The following DPP10 variants were observed in gnomAD, a reference collection of about 807,000 sequenced individuals.
The protein encoded by DPP10 is inactive dipeptidyl peptidase 10.
Under a neutral mutation model 120.9 loss-of-function variants are expected in DPP10, and 33 were observed. That is an observed-to-expected ratio of 0.27 (90% CI 0.21 to 0.37). DPP10 has a LOEUF of 0.37. DPP10 is among the 10% of genes least tolerant of loss of function. The pLI is 1.00. For missense variants in DPP10, 816 were observed against 942.8 expected (o/e 0.87, Z 1.76); for synonymous variants, 337 against 326.1 (o/e 1.03, Z -0.36).
At chr2:114,532,205 G>A (rs1252385318) in intron 1 of DPP10, among the ~76,000 whole-genome samples, 2 of 141,300 alleles carry the variant, frequency 1.4e-5, no homozygotes, top group African/African-American at 2.7e-5. Context: ...GCAGACTGTG[G>A]GACTCCTTGG....
In DPP10 at chr2:115,309,219, T is replaced by C; in HGVS notation, c.61-20T>C. 6.3e-7 allele frequency: 1 copy of C among 1,593,414 alleles called. No individual in the cohort carries two copies. Among genetic ancestry groups the C allele is most frequent in the Non-Finnish European group, 8.6e-7 (1 of 1,164,936 alleles). On this transcript the variant is annotated intron_variant, in intron 1 of 25. Coordinates refer to ENST00000410059, the MANE Select transcript of DPP10 (RefSeq NM_020868.6). ...CTTGGAGCATGAATAATTACAAAAC[T>C]TTTTTTTCTATCTCGGTAGGAACTG...
chr2:114,833,487 A>G (rs1328426214), intron 1 of DPP10: 1 of 152,240 alleles, frequency 6.6e-6, no homozygotes, highest in African/African-American at 2.4e-5. Context: ...ATAAATAAAT[A>G]GGGACAGCTC....
At chr2:114,704,091 T>C (rs566408316) in intron 1 of DPP10, among the ~76,000 whole-genome samples, 1 of 152,088 alleles carries the variant, frequency 6.6e-6, no homozygotes, top group South Asian at 2.1e-4. Context: ...GATGATGTTA[T>C]GGTGTTATAA....
At chr2:115,228,501 T>A (rs903884559) in intron 1 of DPP10, among the ~76,000 whole-genome samples, 1 of 151,604 alleles carries the variant, frequency 6.6e-6, no homozygotes, top group Non-Finnish European at 1.5e-5. Context: ...CCCGCTTCAA[T>A]CCCCCCTCCA....
chr2:114,717,691 C>T (rs764869490), intron 1 of DPP10, among the ~76,000 whole-genome samples: 6 of 152,082 alleles, frequency 3.9e-5, no homozygotes, highest in Non-Finnish European at 8.8e-5. Context: ...GCTAAAGAAA[C>T]ACCCAGTACC....
intron 1 of DPP10, among the ~76,000 whole-genome samples, chr2:115,304,844 A>G (rs1009753242): frequency 6.6e-6 from 1 of 152,042 alleles, no homozygotes; most frequent in African/African-American, 2.4e-5. Flanking sequence ...CACCTAAACA[A>G]ATAAAAAATG....
chr2:114,497,074 T>C (rs952806947), intron 1 of DPP10, among the ~76,000 whole-genome samples: 23 of 150,218 alleles, frequency 1.5e-4, no homozygotes, highest in South Asian at 4.2e-4. Context: ...CATACACATA[T>C]ACATATACAT....
Position 115,739,651 on chromosome 2 carries a change from G to A in DPP10, c.698-88G>A. 5 of 1,368,444 alleles carry A rather than the reference G, an allele frequency of 3.7e-6. No individual in the cohort carries two copies. In the South Asian group the frequency reaches 6.4e-5, roughly 18 times the overall value. The allele number at this position is 1,368,444 out of a possible 1,614,324, so 84.8% of individuals were successfully genotyped here. On this transcript the variant is annotated intron_variant, in intron 8 of 25. Transcript: ENST00000410059. Reference sequence around the variant, plus strand: ...AATACACAGTCTAGAAAATATAGGTGTACAATGGAGATTTCAAGGACAGAT... The same window carrying A: ...AATACACAGTCTAGAAAATATAGGTATACAATGGAGATTTCAAGGACAGAT...
At chr2:115,056,863 T>C (rs1705962663) in intron 1 of DPP10, among the ~76,000 whole-genome samples, 1 of 152,222 alleles carries the variant, frequency 6.6e-6, no homozygotes, top group Non-Finnish European at 1.5e-5. Context: ...CCCTGCTCTT[T>C]TACCTGCAAC....
intron 1 of DPP10, among the ~76,000 whole-genome samples, chr2:115,226,764 T>C (rs2057454302): frequency 6.6e-6 from 1 of 152,158 alleles, no homozygotes; most frequent in Non-Finnish European, 1.5e-5. Context: ...TAATTAAATA[T>C]GTGGATGGAG....
Position 114,696,722 on chromosome 2 carries a change from C to CGT in DPP10, c.60+253894_60+253895dup, listed in dbSNP as rs200540034. ...TAATGGTGAGCTAACCTAAACTCTG[C>CGT]GTGTGTGTGTGCGCGCGTGCCATAA... On this transcript the variant is annotated intron_variant, in intron 1 of 25. Coordinates refer to ENST00000410059, the MANE Select transcript of DPP10 (RefSeq NM_020868.6). Among the ~76,000 whole-genome samples, 1,202 of 151,366 alleles carry CGT rather than the reference C, an allele frequency of 7.9e-3. 15 individuals are homozygous for CGT. The highest frequency in any genetic ancestry group is 0.027 in the African/African-American group (1,131 of 41,316).
At chr2:115,600,232 C>T (rs990788201) in intron 5 of DPP10, among the ~76,000 whole-genome samples, 3 of 152,118 alleles carry the variant, frequency 2.0e-5, no homozygotes, top group Non-Finnish European at 2.9e-5. Context: ...CCAAAGCCCT[C>T]AGCTAGTTGT....
chr2:115,608,249 GC>G (rs1266381471), intron 5 of DPP10, among the ~76,000 whole-genome samples: 1 of 151,956 alleles, frequency 6.6e-6, no homozygotes, highest in Non-Finnish European at 1.5e-5. Flanking sequence ...TATTAGACAG[GC>G]ATGGTGGTGT....
At chr2:114,518,171 A>G (rs965963216) in intron 1 of DPP10, among the ~76,000 whole-genome samples, 1 of 140,818 alleles carries the variant, frequency 7.1e-6, no homozygotes, top group African/African-American at 2.7e-5. Context: ...TCTGCCTCCC[A>G]GGTTCAGGTG....
chr2:115,386,630 G>T lies in DPP10; in HGVS notation c.271+42718G>T, dbSNP rs566020799. On this transcript the variant is annotated intron_variant, in intron 3 of 25. Coordinates refer to ENST00000410059, the MANE Select transcript of DPP10 (RefSeq NM_020868.6). ...TCTGCTGCTATCTCAAGTTGATAAG[G>T]GTCTAAAGTTGTCTCAAGAGATTAG... Among the ~76,000 whole-genome samples, 4 of 152,234 alleles carry T rather than the reference G, an allele frequency of 2.6e-5. No homozygotes were observed. The South Asian group carries it at 8.3e-4, about 32-fold the overall frequency.
At chr2:115,455,142 T>C (rs1211780009) in intron 3 of DPP10, among the ~76,000 whole-genome samples, 1 of 151,802 alleles carries the variant, frequency 6.6e-6, no homozygotes, top group Non-Finnish European at 1.5e-5. Context: ...TACAAAATGT[T>C]GCTAAAACAA....
chr2:115,020,836 G>C (rs571827559), intron 1 of DPP10, among the ~76,000 whole-genome samples: 2 of 151,986 alleles, frequency 1.3e-5, no homozygotes, highest in African/African-American at 4.8e-5. Flanking sequence ...GACCACAGTC[G>C]AATACAATTG....
At chr2:115,562,150 G>A (rs977927082) in intron 5 of DPP10, among the ~76,000 whole-genome samples, 5 of 152,156 alleles carry the variant, frequency 3.3e-5, no homozygotes, top group African/African-American at 1.2e-4. Context: ...AACCCAGAAT[G>A]TTTGAAGCTC....
Position 115,538,197 on chromosome 2 carries a change from G to T in DPP10, c.441+12225G>T, listed in dbSNP as rs186353449. On this transcript the variant is annotated intron_variant, in intron 5 of 25. Transcript: ENST00000410059. ...TGACACAGATCCTGAAACAAAGGAAGTAAATTGCATGAAGACTTGGAAAAT... is the reference window on the plus strand; with the variant it reads ...TGACACAGATCCTGAAACAAAGGAATTAAATTGCATGAAGACTTGGAAAAT... Among the ~76,000 whole-genome samples, 4 of 152,126 alleles carry T rather than the reference G, an allele frequency of 2.6e-5. No homozygotes were observed. In the East Asian group the frequency reaches 7.8e-4, roughly 30 times the overall value.
Sources: allele counts gnomAD v4.1 joint callset (sites outside exome capture counted in the v4.1 genomes callset), GRCh38; gene constraint gnomAD v4.1.1; transcripts MANE v1.5; gene names NCBI Gene and HGNC (gene_info 2026-07-23, HGNC 2026-07-21).